NCALD: variants seen among roughly 807,000 people sequenced by gnomAD.
NCALD encodes the protein neurocalcin delta, also known as neurocalcin-delta.
A neutral mutation model predicts 18.6 loss-of-function variants in NCALD; 10 were observed. That is an observed-to-expected ratio of 0.54 (90% CI 0.33 to 0.91). NCALD has a LOEUF of 0.91. Among genes scored for constraint, NCALD ranks in the 40% least tolerant of loss-of-function variants. The probability of loss-of-function intolerance (pLI) is 0.03; values close to 1 mark genes in which losing one functional copy is unlikely to be tolerated. For synonymous variants in NCALD, 88 were observed against 87.4 expected (o/e 1.01, Z -0.04); for missense variants, 184 against 247.6 (o/e 0.74, Z 1.72).
chr8:102,087,066 C>A (rs1205303309), intron 1 of NCALD, among the ~76,000 whole-genome samples: 1 of 152,210 alleles, frequency 6.6e-6, no homozygotes, highest in Non-Finnish European at 1.5e-5. Context: ...AATGGGCAAC[C>A]AGCAGCCCTC....
chr8:102,000,330 G>A (rs1265050240), intron 2 of NCALD, among the ~76,000 whole-genome samples: 1 of 152,170 alleles, frequency 6.6e-6, no homozygotes, highest in Non-Finnish European at 1.5e-5. Context: ...CTGGGGGAGG[G>A]GTACCCGCCA....
At chr8:102,005,194 A>T (rs1345772510) in intron 2 of NCALD, among the ~76,000 whole-genome samples, 2 of 152,190 alleles carry the variant, frequency 1.3e-5, no homozygotes, top group Non-Finnish European at 2.9e-5. Flanking sequence ...GAAAAAAACA[A>T]CCCCATCAAC....
intron 2 of NCALD, among the ~76,000 whole-genome samples, chr8:101,935,962 G>C (rs1818748359): frequency 6.6e-6 from 1 of 152,056 alleles, no homozygotes; most frequent in Admixed American, 6.6e-5. Flanking sequence ...GCTGGCTTTA[G>C]TAAGAGCAGG....
chr8:101,752,659 A>C (rs1426884223), intron 1 of NCALD, among the ~76,000 whole-genome samples: 2 of 152,222 alleles, frequency 1.3e-5, no homozygotes, highest in Non-Finnish European at 2.9e-5. Flanking sequence ...AAGTGTTTGG[A>C]CTAGGTTCCA....
At chr8:102,041,586 A>G (rs538021212) in intron 1 of NCALD, among the ~76,000 whole-genome samples, 1 of 152,362 alleles carries the variant, frequency 6.6e-6, no homozygotes, top group African/African-American at 2.4e-5. Flanking sequence ...CTCACTTGTA[A>G]TGACCAAAGG....
chr8:101,748,920 T>G (rs1403389741), intron 1 of NCALD, among the ~76,000 whole-genome samples: 1 of 152,182 alleles, frequency 6.6e-6, no homozygotes, highest in Non-Finnish European at 1.5e-5. Context: ...GTGTGAGGTT[T>G]GTTGGTGCCA....
intron 1 of NCALD, among the ~76,000 whole-genome samples, chr8:101,742,168 G>A (rs867325637): frequency 4.6e-5 from 7 of 151,242 alleles, no homozygotes; most frequent in East Asian, 1.9e-4. Context: ...CAGGAAAATC[G>A]CTTGAACCCC....
intron 4 of NCALD, chr8:101,871,948 G>C: frequency 1.3e-6 from 1 of 741,724 alleles, no homozygotes; most frequent in Non-Finnish European, 2.4e-6. Context: ...AACTGCTCTA[G>C]ATTCAGACAG....
At chr8:101,734,712 C>T (rs1816996884) in intron 1 of NCALD, among the ~76,000 whole-genome samples, 1 of 152,186 alleles carries the variant, frequency 6.6e-6, no homozygotes, top group Admixed American at 6.5e-5. Context: ...CAAGGAACTC[C>T]TGCTGCAGGA....
At chr8:102,045,006 T>C (rs1357462921) in intron 1 of NCALD, among the ~76,000 whole-genome samples, 1 of 152,000 alleles carries the variant, frequency 6.6e-6, no homozygotes, top group East Asian at 1.9e-4. Flanking sequence ...AAAAAAAGAA[T>C]AAAGGAAATC....
chr8:102,107,751 T>C (rs1162507047), intron 1 of NCALD, among the ~76,000 whole-genome samples: 1 of 152,214 alleles, frequency 6.6e-6, no homozygotes, highest in Non-Finnish European at 1.5e-5. Context: ...TATGTCACCC[T>C]AAAGAAAGCA....
intron 1 of NCALD, among the ~76,000 whole-genome samples, chr8:102,026,851 T>C (rs1360847201): frequency 6.6e-6 from 1 of 152,224 alleles, no homozygotes; most frequent in East Asian, 1.9e-4. Context: ...ATACATCCTC[T>C]GAAATCTAGG....
intron 3 of NCALD, chr8:101,691,734 C>T (rs1814734881): frequency 1.0e-6 from 1 of 985,380 alleles, no homozygotes; most frequent in Non-Finnish European, 1.2e-6. Context: ...ACCACACAAA[C>T]CCAGATTCTT....
chr8:101,957,289 G>GTTTTTT lies in NCALD; in HGVS notation c.-156-41437_-156-41432dup, dbSNP rs11305701. 4.6e-4 allele frequency among the ~76,000 whole-genome samples: 46 copies of GTTTTTT among 99,490 alleles called. 1 individual carries two copies. Among genetic ancestry groups the GTTTTTT allele is most frequent in the Admixed American group, 7.0e-4 (6 of 8,556 alleles). The allele number at this position is 99,490 out of a possible 152,430, so 65.3% of individuals were successfully genotyped here. On this transcript the variant is annotated intron_variant, in intron 2 of 6. Transcript: ENST00000311028. ...ATGGGTAGTAAAAAGAAAAGTTGGG[G>GTTTTTT]TTTTTTTTTTTTTTTTTTTTTTTTT...
chr8:101,734,447 C>T (rs1816986334), intron 1 of NCALD, among the ~76,000 whole-genome samples: 1 of 152,198 alleles, frequency 6.6e-6, no homozygotes, highest in South Asian at 2.1e-4. Flanking sequence ...CTAAACTCCA[C>T]TGTAGGGGGA....
intron 1 of NCALD, among the ~76,000 whole-genome samples, chr8:101,785,392 G>A (rs571401073): frequency 4.6e-5 from 7 of 152,130 alleles, no homozygotes; most frequent in Non-Finnish European, 8.8e-5. Context: ...ATCCAAGAGG[G>A]ATGCCCTAAT....
At chr8:102,040,699 A>G (rs937887860) in intron 1 of NCALD, among the ~76,000 whole-genome samples, 13 of 132,308 alleles carry the variant, frequency 9.8e-5, no homozygotes, top group African/African-American at 2.7e-4. Context: ...TTGCTTCCCA[A>G]CAGGATTCTG....
chr8:102,102,086 C>T (rs1825302605), intron 1 of NCALD, among the ~76,000 whole-genome samples: 1 of 152,120 alleles, frequency 6.6e-6, no homozygotes, highest in South Asian at 2.1e-4. Context: ...TATTGCTATA[C>T]TGTAAATGAA....
intron 4 of NCALD, among the ~76,000 whole-genome samples, chr8:101,839,230 G>T (rs1814538808): frequency 6.6e-6 from 1 of 152,066 alleles, no homozygotes. Context: ...AGGAAGTGTT[G>T]TTGGCATCGG....
Sources: allele counts gnomAD v4.1 joint callset (sites outside exome capture counted in the v4.1 genomes callset), GRCh38; gene constraint gnomAD v4.1.1; transcripts MANE v1.5; gene names NCBI Gene and HGNC (gene_info 2026-07-23, HGNC 2026-07-21).